Variants in GRIK4 observed in about 807,000 individuals in gnomAD.
GRIK4 encodes glutamate ionotropic receptor kainate type subunit 4, also known as glutamate receptor ionotropic, kainate 4.
Under a neutral mutation model 104.9 loss-of-function variants are expected in GRIK4, and 40 were observed. The ratio of observed to expected loss-of-function variants is 0.38; its 90% CI spans 0.30 to 0.50. GRIK4 has a LOEUF of 0.50. Among genes scored for constraint, GRIK4 ranks in the 20% least tolerant of loss-of-function variants. The pLI, the probability that GRIK4 is intolerant of heterozygous loss-of-function variation, is 0.93. For synonymous variants in GRIK4, 485 were observed against 524.9 expected, an observed-to-expected ratio of 0.92 and a Z score of 1.04; for missense variants, 1,047 against 1,308.1, an observed-to-expected ratio of 0.80 and a Z score of 3.08.
At chr11:120,942,109 C>T (rs1258422433) in intron 14 of GRIK4, among the ~76,000 whole-genome samples, 1 of 152,212 alleles carries the variant, frequency 6.6e-6, no homozygotes, top group Non-Finnish European at 1.5e-5. Context: ...CTTTGAATCA[C>T]TTGCATAGGG....
rs566689946 is a variant in GRIK4, at chr11:120,986,490, C to T, written c.*230C>T. On this transcript the variant is annotated 3_prime_UTR_variant, in exon 21 of 21. Transcript: ENST00000527524. ...GTTGCACCCAAAGGGCAAAGGACGGCCCTCCCTCCTGGGCACAAGGACCCA... is the reference window on the plus strand; with the variant it reads ...GTTGCACCCAAAGGGCAAAGGACGGTCCTCCCTCCTGGGCACAAGGACCCA... 3.1e-5 allele frequency: 17 copies of T among 549,170 alleles called. No homozygotes were observed. Among genetic ancestry groups the T allele is most frequent in the Non-Finnish European group, 5.2e-5 (17 of 327,140 alleles). The allele number at this position is 549,170 out of a possible 1,614,324, so 34.0% of individuals were successfully genotyped here.
chr11:120,962,238 A>G (rs1406873316), intron 17 of GRIK4, among the ~76,000 whole-genome samples: 5 of 152,178 alleles, frequency 3.3e-5, no homozygotes, highest in Non-Finnish European at 7.4e-5. Context: ...TCATCTTTCT[A>G]TAAAAGGTAT....
chr11:120,595,598 C>A (rs1458660949), intron 1 of GRIK4, among the ~76,000 whole-genome samples: 3 of 152,190 alleles, frequency 2.0e-5, no homozygotes, highest in Non-Finnish European at 4.4e-5. Flanking sequence ...TCTACTTTAG[C>A]CACATGGAAT....
chr11:120,762,376 G>A (rs898853884), intron 3 of GRIK4, among the ~76,000 whole-genome samples: 1 of 152,212 alleles, frequency 6.6e-6, no homozygotes, highest in Non-Finnish European at 1.5e-5. Flanking sequence ...ACACAATCAT[G>A]TCATCTGCAA....
intron 1 of GRIK4, among the ~76,000 whole-genome samples, chr11:120,649,368 T>C (rs1399147133): frequency 6.6e-6 from 1 of 151,730 alleles, no homozygotes; most frequent in Admixed American, 6.6e-5. Context: ...AAAGCACTGA[T>C]GTGCACCAGA....
intron 11 of GRIK4, among the ~76,000 whole-genome samples, chr11:120,882,148 C>A (rs1954984951): frequency 6.6e-6 from 1 of 152,128 alleles, no homozygotes; most frequent in African/African-American, 2.4e-5. Context: ...GCCCTTGACC[C>A]CAGCCCCTCT....
At chr11:120,775,296 G>GC (rs981898234) in intron 3 of GRIK4, among the ~76,000 whole-genome samples, 6 of 152,106 alleles carry the variant, frequency 3.9e-5, no homozygotes, top group Non-Finnish European at 8.8e-5. Flanking sequence ...ATACAAGAGA[G>GC]CCCCCCTAAG....
intron 3 of GRIK4, among the ~76,000 whole-genome samples, chr11:120,785,998 C>A (rs986611237): frequency 6.6e-6 from 1 of 152,200 alleles, no homozygotes; most frequent in South Asian, 2.1e-4. Flanking sequence ...GCTGCATTTC[C>A]CTTGCTCCCC....
rs577446065 is a variant in GRIK4, at chr11:120,549,680, C to T, written c.-159+37793C>T. Among the ~76,000 whole-genome samples the T allele has an allele frequency of 8.5e-5, 13 of 152,240 alleles. No homozygotes were observed. The South Asian group carries it at 1.0e-3, about 12-fold the overall frequency. ...GGACAAGACAAGCAGAGGCTGAGGG[C>T]GGGTCGTGGGCCCCTGGGAGATCTG... On this transcript the variant is annotated intron_variant, in intron 1 of 20. Coordinates refer to ENST00000527524, the MANE Select transcript of GRIK4 (RefSeq NM_014619.5). The surrounding 1 kb of genome is among the most constrained non-coding windows in gnomAD (Gnocchi z 4.7).
intron 11 of GRIK4, among the ~76,000 whole-genome samples, chr11:120,876,401 CACA>C: frequency 2.1e-5 from 3 of 144,466 alleles, no homozygotes; most frequent in Non-Finnish European, 3.0e-5. Context: ...GCCTCATCAT[CACA>C]ACCACCATTG....
At chr11:120,830,651 C>T (rs934746472) in intron 6 of GRIK4, among the ~76,000 whole-genome samples, 4 of 152,138 alleles carry the variant, frequency 2.6e-5, no homozygotes, top group Admixed American at 6.5e-5. Context: ...TTCCTACCTC[C>T]GATTCTCCTC....
intron 1 of GRIK4, among the ~76,000 whole-genome samples, chr11:120,543,442 GGT>G (rs1361666305): frequency 1.3e-5 from 2 of 152,018 alleles, no homozygotes; most frequent in Non-Finnish European, 2.9e-5. Context: ...CGGGGATGGT[GGT>G]GTGTGCCTGT....
intron 3 of GRIK4, among the ~76,000 whole-genome samples, chr11:120,758,396 C>G (rs1379646417): frequency 3.9e-5 from 6 of 152,180 alleles, no homozygotes; most frequent in Non-Finnish European, 8.8e-5. Flanking sequence ...TTTTCCAGCT[C>G]TAGAGTCTCG....
At chr11:120,580,406 G>A (rs1318835362) in intron 1 of GRIK4, among the ~76,000 whole-genome samples, 1 of 151,312 alleles carries the variant, frequency 6.6e-6, no homozygotes, top group Non-Finnish European at 1.5e-5. Flanking sequence ...CTCCTAAGTA[G>A]CTGGGATTAC....
intron 13 of GRIK4, among the ~76,000 whole-genome samples, chr11:120,928,814 C>T (rs547148922): frequency 6.6e-6 from 1 of 152,192 alleles, no homozygotes; most frequent in Non-Finnish European, 1.5e-5. Flanking sequence ...CCAGGGAGCA[C>T]TTGGACCTGC....
At chr11:120,655,051 G>T (rs1463760437) in intron 2 of GRIK4, among the ~76,000 whole-genome samples, 3 of 152,002 alleles carry the variant, frequency 2.0e-5, no homozygotes, top group African/African-American at 7.3e-5. Flanking sequence ...ATTTCATATT[G>T]GCCCCGTCTG....
chr11:120,741,453 A>AT (rs1199360479), intron 3 of GRIK4, among the ~76,000 whole-genome samples: 2 of 151,094 alleles, frequency 1.3e-5, no homozygotes, highest in Non-Finnish European at 3.0e-5. Flanking sequence ...TAATTTTTGT[A>AT]TTTTTTAGTA....
chr11:120,676,206 G>A (rs906339210), intron 3 of GRIK4, among the ~76,000 whole-genome samples: 2 of 152,032 alleles, frequency 1.3e-5, no homozygotes, highest in African/African-American at 2.4e-5. Flanking sequence ...AGTCATTCTC[G>A]CCTCACAAGC....
chr11:120,640,635 A>G (rs1565585587), intron 1 of GRIK4, among the ~76,000 whole-genome samples: 1 of 152,158 alleles, frequency 6.6e-6, no homozygotes, highest in African/African-American at 2.4e-5. Context: ...TCTTTTAACC[A>G]TAACAAGGAG....
Sources: allele counts gnomAD v4.1 joint callset (sites outside exome capture counted in the v4.1 genomes callset), GRCh38; gene constraint gnomAD v4.1.1; non-coding constraint Gnocchi (gnomAD v3.1); transcripts MANE v1.5; gene names NCBI Gene and HGNC (gene_info 2026-07-23, HGNC 2026-07-21).